Variants in GALNT1 observed in about 807,000 individuals in gnomAD.
GALNT1 encodes polypeptide N-acetylgalactosaminyltransferase 1.
In GALNT1, 17 loss-of-function variants were observed where a neutral mutation model predicts 65.7. The observed-to-expected ratio is 0.26, with a 90% CI of 0.18 to 0.39. The LOEUF is 0.39. GALNT1 is among the 10% of genes least tolerant of loss of function. GALNT1 has a pLI of 1.00. For synonymous variants in GALNT1, 210 were observed against 219.7 expected, an observed-to-expected ratio of 0.96 and a Z score of 0.39; for missense variants, 460 against 672.8, an observed-to-expected ratio of 0.68 and a Z score of 3.50.
chr18:35,701,451 T>C (rs1418170878), intron 9 of GALNT1, among the ~76,000 whole-genome samples: 1 of 152,192 alleles, frequency 6.6e-6, no homozygotes, highest in Admixed American at 6.5e-5. Context: ...AAGGAAGGTG[T>C]GCTTTATGCA....
At chr18:35,691,270 G>C in intron 8 of GALNT1, 78 bp downstream of exon 8, 1 of 1,325,392 alleles carries the variant, frequency 7.5e-7, no homozygotes, top group Admixed American at 2.4e-5. Flanking sequence ...AAGAAGGTTA[G>C]AAGTGAAGCT....
chr18:35,630,140 T>G (rs2046986033), intron 1 of GALNT1, among the ~76,000 whole-genome samples: 1 of 152,166 alleles, frequency 6.6e-6, no homozygotes, highest in Admixed American at 6.5e-5. Context: ...ATTAGACAGA[T>G]CAATGAGACA....
At chr18:35,607,026 A>G (rs192791798) in intron 1 of GALNT1, among the ~76,000 whole-genome samples, 19 of 152,140 alleles carry the variant, frequency 1.2e-4, no homozygotes, top group Admixed American at 7.8e-4. Context: ...TACCCCTCAG[A>G]AGTGAGCACC....
intron 1 of GALNT1, chr18:35,597,071 G>C (rs1329208699): frequency 6.6e-6 from 1 of 152,326 alleles, no homozygotes; most frequent in South Asian, 2.1e-4. Flanking sequence ...GGCAACTCTT[G>C]GGGGCTAGGA....
intron 3 of GALNT1, among the ~76,000 whole-genome samples, chr18:35,677,211 GATT>G (rs1171534064): frequency 6.6e-6 from 1 of 152,156 alleles, no homozygotes. Context: ...TTTTTGTTTA[GATT>G]ATTAAACTAC....
intron 1 of GALNT1, among the ~76,000 whole-genome samples, chr18:35,601,042 G>GGT (rs2046575157): frequency 6.6e-6 from 1 of 152,164 alleles, no homozygotes; most frequent in African/African-American, 2.4e-5. Context: ...TTAAGTGTTT[G>GGT]GTAGAATTCA....
chr18:35,602,386 A>G (rs2046592972), intron 1 of GALNT1, among the ~76,000 whole-genome samples: 1 of 151,950 alleles, frequency 6.6e-6, no homozygotes, highest in South Asian at 2.1e-4. Flanking sequence ...ACCTTCCTGT[A>G]TCTGTGTATT....
chr18:35,610,718 C>A (rs919839778), intron 1 of GALNT1, among the ~76,000 whole-genome samples: 18 of 152,048 alleles, frequency 1.2e-4, no homozygotes, highest in African/African-American at 4.1e-4. Flanking sequence ...ATAACCTAGA[C>A]ATTTAAAAAT....
intron 3 of GALNT1, among the ~76,000 whole-genome samples, chr18:35,674,933 A>T (rs962909913): frequency 5.0e-5 from 7 of 139,072 alleles, no homozygotes; most frequent in Admixed American, 7.9e-5. Context: ...CAGTGAGCTG[A>T]GATCACGCCA....
intron 5 of GALNT1, among the ~76,000 whole-genome samples, chr18:35,684,209 C>A (rs1479789074): frequency 6.6e-6 from 1 of 152,120 alleles, no homozygotes; most frequent in Non-Finnish European, 1.5e-5. Context: ...GGTTGAATTT[C>A]TGCTTGTCAT....
At chr18:35,650,189 G>A (rs957966746) in intron 1 of GALNT1, among the ~76,000 whole-genome samples, 2 of 152,230 alleles carry the variant, frequency 1.3e-5, no homozygotes, top group East Asian at 3.9e-4. Flanking sequence ...AAATTTTAAA[G>A]CTGGGAGTCT....
At chr18:35,677,876 T>TA (rs2047732791) in intron 4 of GALNT1, 119 bp downstream of exon 4, 1 of 717,540 alleles carries the variant, frequency 1.4e-6, no homozygotes. Context: ...ATCCCAAAAA[T>TA]ATGGCATTTG....
At chr18:35,685,087 CTCTT>C (rs2047846709) in intron 5 of GALNT1, among the ~76,000 whole-genome samples, 1 of 152,122 alleles carries the variant, frequency 6.6e-6, no homozygotes, top group Admixed American at 6.6e-5. Flanking sequence ...ACGAACCAAA[CTCTT>C]TTTATGAGGC....
intron 3 of GALNT1, among the ~76,000 whole-genome samples, chr18:35,666,205 G>C (rs2047547440): frequency 6.6e-6 from 1 of 152,154 alleles, no homozygotes; most frequent in Non-Finnish European, 1.5e-5. Context: ...TAAAAAAATT[G>C]TTCAGAGAAA....
At chr18:35,613,271 G>A (rs1199459987) in intron 1 of GALNT1, among the ~76,000 whole-genome samples, 1 of 152,030 alleles carries the variant, frequency 6.6e-6, no homozygotes, top group Non-Finnish European at 1.5e-5. Context: ...TTCTAGAAGT[G>A]GATGTACATT....
intron 1 of GALNT1, among the ~76,000 whole-genome samples, chr18:35,619,197 G>GT (rs1598785395): frequency 6.6e-6 from 1 of 152,174 alleles, no homozygotes; most frequent in Admixed American, 6.5e-5. Flanking sequence ...GTTTTGTTTT[G>GT]TTTTTTCAAT....
chr18:35,629,945 C>A (rs2046982296), intron 1 of GALNT1, among the ~76,000 whole-genome samples: 2 of 152,040 alleles, frequency 1.3e-5, no homozygotes, highest in South Asian at 4.2e-4. Flanking sequence ...CAACAAAGAT[C>A]AAAAGAGACA....
rs56281709 is a variant in GALNT1 at position 35,659,501 on chromosome 18, G to A, written c.140-4127G>A. Among the ~76,000 whole-genome samples the A allele has an allele frequency of 2.8e-3, 426 of 152,190 alleles. 2 individuals carry two copies. The highest frequency in any genetic ancestry group is 0.01 in the African/African-American group (416 of 41,512). ...AGATTGGGCTCCCTTGAAAGAATAC[G>A]GGTAGTGGGGGTTATGGCCTAGGAA... On this transcript the variant is annotated intron_variant, in intron 2 of 11. Coordinates refer to ENST00000269195, the MANE Select transcript of GALNT1 (RefSeq NM_020474.4).
At chr18:35,613,452 A>G (rs1333070223) in intron 1 of GALNT1, among the ~76,000 whole-genome samples, 2 of 152,216 alleles carry the variant, frequency 1.3e-5, no homozygotes, top group Non-Finnish European at 2.9e-5. Context: ...GACAAGAGGT[A>G]AGGAAACTTT....
Sources: gnomAD v4.1 joint callset for allele counts (sites outside exome capture counted in the v4.1 genomes callset) on GRCh38, gnomAD v4.1.1 for gene constraint, MANE v1.5 for transcripts, NCBI Gene and HGNC (gene_info 2026-07-23, HGNC 2026-07-21) for gene names.